Variants in ZDHHC11 observed in about 807,000 individuals in gnomAD.
The protein encoded by ZDHHC11 is zDHHC palmitoyltransferase 11, also known as palmitoyltransferase ZDHHC11.
In ZDHHC11, 44 loss-of-function variants were observed where a neutral mutation model predicts 51.3. The ratio of observed to expected loss-of-function variants is 0.86; its 90% CI spans 0.67 to 1.10. ZDHHC11 has a LOEUF of 1.10. ZDHHC11 is among the 50% of genes least tolerant of loss of function. The pLI is 0.00. For synonymous variants in ZDHHC11, 163 were observed against 222.0 expected, an observed-to-expected ratio of 0.73 and a Z score of 2.36; for missense variants, 400 against 537.7, an observed-to-expected ratio of 0.74 and a Z score of 2.53.
At chr5:815,243 C>G (rs1369875124) in intron 10 of ZDHHC11, among the ~76,000 whole-genome samples, 1 of 151,552 alleles carries the variant, frequency 6.6e-6, no homozygotes, top group Non-Finnish European at 1.5e-5. Flanking sequence ...GACACCAACC[C>G]TGCAGACACC....
rs578181464 is a variant in ZDHHC11, at chr5:849,373, A to G, written c.223-713T>C. Among the ~76,000 whole-genome samples the G allele has an allele frequency of 2.6e-4, 39 of 152,190 alleles. 1 individual carries two copies. Among genetic ancestry groups the G allele is most frequent in the African/African-American group, 8.2e-4 (34 of 41,500 alleles). ...GGGCCACAGGAGGGACATCCCAGGTATAAACACAGCCGGATGCAGCCCCAA... is the reference window on the plus strand; with the variant it reads ...GGGCCACAGGAGGGACATCCCAGGTGTAAACACAGCCGGATGCAGCCCCAA... On this transcript the variant is annotated intron_variant, in intron 1 of 12. Transcript: ENST00000283441.
At chr5:827,693 C>CTA (rs1742464903) in intron 7 of ZDHHC11, among the ~76,000 whole-genome samples, 1 of 150,694 alleles carries the variant, frequency 6.6e-6, no homozygotes, top group Non-Finnish European at 1.5e-5. Flanking sequence ...ACTATCCTAA[C>CTA]TATATATGCA....
At chr5:853,439 G>GCCAGC (rs1747616870), upstream of ZDHHC11, among the ~76,000 whole-genome samples, 1 of 148,876 alleles carries the variant, frequency 6.7e-6, no homozygotes, top group Non-Finnish European at 1.5e-5. Flanking sequence ...ACAGAGGACA[G>GCCAGC]TGAGCCAGGG....
At chr5:814,678 T>G in intron 11 of ZDHHC11, 83 bp downstream of exon 11, 1 of 1,365,504 alleles carries the variant, frequency 7.3e-7, no homozygotes, top group South Asian at 1.5e-5. Context: ...ACATGTTAAA[T>G]AGAGAACATA....
At chr5:816,824 G>T in intron 10 of ZDHHC11, 1 of 475,606 alleles carries the variant, frequency 2.1e-6, no homozygotes. Flanking sequence ...AGGTTTGATG[G>T]CAGATACACC....
Position 857,020 on chromosome 5 carries a change from C to A in ZDHHC11, c.-1+1854G>T, listed in dbSNP as rs556448542. Among the ~76,000 whole-genome samples, 11 of 151,738 alleles carry A rather than the reference C, an allele frequency of 7.2e-5. No homozygotes were observed. In the East Asian group the frequency reaches 1.7e-3, roughly 24 times the overall value. On this transcript the variant is annotated intron_variant, in intron 1 of 3. Transcript: ENST00000685990. Reference sequence around the variant, plus strand: ...CCACATACCGCACACATACAACCCCCACAGAATACCACACACAACACACAA... The same window carrying A: ...CCACATACCGCACACATACAACCCCAACAGAATACCACACACAACACACAA...
rs1319819194 is a variant in ZDHHC11, at chr5:812,056, C to T, written c.1181+2705G>A. Among the ~76,000 whole-genome samples the T allele has an allele frequency of 8.8e-3, 1,217 of 138,590 alleles. 2 individuals are homozygous for T. Among genetic ancestry groups the T allele is most frequent in the African/African-American group, 0.035 (1,166 of 33,656 alleles). The allele number at this position is 138,590 out of a possible 152,430, so 90.9% of individuals were successfully genotyped here. A position where few individuals can be genotyped will look rare whatever the true frequency, so the allele number is the denominator to read the frequency against. On this transcript the variant is annotated intron_variant, in intron 11 of 12. Coordinates refer to ENST00000283441, the MANE Select transcript of ZDHHC11 (RefSeq NM_024786.3). ...AGGTGGTAACCATTACTTAAGTCTT[C>T]GAGATAAAGTAACCTTAGCTCTCTC... is the stretch of plus-strand genomic sequence containing the variant.
intron 7 of ZDHHC11, among the ~76,000 whole-genome samples, chr5:833,468 C>A (rs1184617488): frequency 1.3e-5 from 2 of 151,832 alleles, no homozygotes; most frequent in Non-Finnish European, 2.9e-5. Flanking sequence ...TCACAACTAC[C>A]CACATGTTCA....
At chr5:800,950 G>A (rs902649213) in intron 12 of ZDHHC11, 150 bp downstream of exon 12, 14 of 834,426 alleles carry the variant, frequency 1.7e-5, no homozygotes, top group Non-Finnish European at 2.7e-5. Flanking sequence ...CACGGTTCCT[G>A]TTCTGGGGTT....
intron 11 of ZDHHC11, among the ~76,000 whole-genome samples, chr5:809,764 C>CA (rs1255576241): frequency 1.0e-4 from 11 of 107,660 alleles, no homozygotes; most frequent in African/African-American, 3.6e-4. Context: ...TGAACAGACT[C>CA]AAACACCTAG....
upstream of ZDHHC11, among the ~76,000 whole-genome samples, chr5:855,742 G>GACCCCACA (rs1748134781): frequency 1.3e-5 from 2 of 148,896 alleles, no homozygotes; most frequent in African/African-American, 5.0e-5. Flanking sequence ...AGCGGGGACA[G>GACCCCACA]ACCCCACAGA....
At chr5:812,489 AT>A (rs1183975398) in intron 11 of ZDHHC11, among the ~76,000 whole-genome samples, 1 of 151,608 alleles carries the variant, frequency 6.6e-6, no homozygotes, top group Non-Finnish European at 1.5e-5. Flanking sequence ...GTTCAGTCTC[AT>A]TAGTAATAAG....
In ZDHHC11 at chr5:799,646, C is replaced by T. The variant is rs200143437; in HGVS notation, c.*7+1454G>A. On this transcript the variant is annotated intron_variant, in intron 12 of 12. Transcript: ENST00000283441. The stretch of plus-strand genomic sequence containing the variant: ...TTCTCAGGCTCTGCTACTCCTCAGC[C>T]ATTTCACTGTTCCACACAAAGGAAA... Among the ~76,000 whole-genome samples the T allele has an allele frequency of 1.9e-4, 29 of 151,554 alleles. 1 individual carries two copies. In the East Asian group the frequency reaches 5.6e-3, roughly 29 times the overall value.
intron 11 of ZDHHC11, among the ~76,000 whole-genome samples, chr5:803,751 A>T (rs1426355500): frequency 6.6e-6 from 1 of 150,890 alleles, no homozygotes; most frequent in Non-Finnish European, 1.5e-5. Flanking sequence ...TGACAACTAA[A>T]TAAAGTAGGA....
At chr5:834,086 T>A (rs1357153561) in intron 6 of ZDHHC11, among the ~76,000 whole-genome samples, 1 of 152,232 alleles carries the variant, frequency 6.6e-6, no homozygotes, top group East Asian at 1.9e-4. Flanking sequence ...ACACCCTCAT[T>A]TAACTCCCAC....
At chr5:857,187 C>G (rs916861719) in intron 1 of ZDHHC11, among the ~76,000 whole-genome samples, 1 of 152,184 alleles carries the variant, frequency 6.6e-6, no homozygotes, top group Admixed American at 6.5e-5. Flanking sequence ...CTGGATGGGC[C>G]CCCCTGTGTT....
At chr5:854,321 C>T (rs570076710), upstream of ZDHHC11, among the ~76,000 whole-genome samples, 14 of 151,042 alleles carry the variant, frequency 9.3e-5, no homozygotes, top group Admixed American at 7.9e-4. Context: ...GCCAGGGGGA[C>T]AGAACCCACA....
At chr5:853,226 G>A (rs1156947067), upstream of ZDHHC11, among the ~76,000 whole-genome samples, 4 of 147,004 alleles carry the variant, frequency 2.7e-5, no homozygotes, top group Non-Finnish European at 1.5e-5. Flanking sequence ...GCGAGCCGGG[G>A]GGCACGGACC....
chr5:841,496 C>T lies in ZDHHC11; in HGVS notation c.629-846G>A, dbSNP rs1197201589. The T allele has an allele frequency of 1.1e-5, 11 of 994,236 alleles. No homozygotes were observed. The Admixed American group carries it at 1.8e-4, about 17-fold the overall frequency. The allele number at this position is 994,236 out of a possible 1,614,324, so 61.6% of individuals were successfully genotyped here. A position where few individuals can be genotyped will look rare whatever the true frequency, so the allele number is the denominator to read the frequency against. ...TCACTAAGTGCCAGGGTCACAGCACCCATCCCTTCCTTATTTAGTGCCAGG... is the reference window on the plus strand; with the variant it reads ...TCACTAAGTGCCAGGGTCACAGCACTCATCCCTTCCTTATTTAGTGCCAGG... On this transcript the variant is annotated intron_variant, in intron 4 of 12. Transcript: ENST00000283441.
Sources: gnomAD v4.1 joint callset for allele counts (sites outside exome capture counted in the v4.1 genomes callset) on GRCh38, gnomAD v4.1.1 for gene constraint, MANE v1.5 for transcripts, NCBI Gene and HGNC (gene_info 2026-07-23, HGNC 2026-07-21) for gene names.